SPAG16: variants seen among roughly 807,000 people sequenced by gnomAD.
SPAG16 encodes sperm associated antigen 16, also known as sperm-associated antigen 16 protein.
SPAG16 carries 86 observed loss-of-function variants against 80.4 expected under a neutral mutation model. That is an observed-to-expected ratio of 1.07 (90% CI 0.90 to 1.28). SPAG16 has a LOEUF of 1.28. Ranked by LOEUF, SPAG16 falls within the 50% of genes most tolerant of loss-of-function variation. The pLI is 0.00. For missense variants in SPAG16, 870 were observed against 765.3 expected (o/e 1.14, Z -1.61); for synonymous variants, 294 against 265.9 (o/e 1.11, Z -1.03).
At chr2:214,079,828 G>A (rs563192252) in intron 13 of SPAG16, among the ~76,000 whole-genome samples, 1 of 152,250 alleles carries the variant, frequency 6.6e-6, no homozygotes, top group East Asian at 1.9e-4. Flanking sequence ...CCAGGTTTTT[G>A]TCCTTGTTTA....
intron 15 of SPAG16, among the ~76,000 whole-genome samples, chr2:214,351,379 T>G (rs965772915): frequency 6.6e-6 from 1 of 151,344 alleles, no homozygotes; most frequent in Non-Finnish European, 1.5e-5. Context: ...GATAGGATTG[T>G]CTGTGTGTCT....
At position 213,556,036 on chromosome 2, in the gene SPAG16, T is replaced by C. The variant is rs148011211; in HGVS notation, c.1070+65946T>C. 7.9e-4 allele frequency among the ~76,000 whole-genome samples: 120 copies of C among 152,196 alleles called. 2 individuals carry two copies. Among genetic ancestry groups the C allele is most frequent in the Middle Eastern group, 3.4e-3 (1 of 294 alleles). ...GGCCTGTAATAACTGTAAACTGTTT[T>C]ATGTAAGAATTTTGGTAAGCAAAAT... On this transcript the variant is annotated intron_variant, in intron 10 of 15. Coordinates refer to ENST00000331683, the MANE Select transcript of SPAG16 (RefSeq NM_024532.5).
intron 12 of SPAG16, among the ~76,000 whole-genome samples, chr2:214,007,889 T>C (rs2047098191): frequency 1.3e-5 from 2 of 152,152 alleles, no homozygotes; most frequent in South Asian, 4.1e-4. Flanking sequence ...ATGAAAAATA[T>C]CAATGTTGAT....
At chr2:213,703,445 G>C (rs577891711) in intron 10 of SPAG16, among the ~76,000 whole-genome samples, 1 of 152,284 alleles carries the variant, frequency 6.6e-6, no homozygotes, top group South Asian at 2.1e-4. Context: ...TCAGAAAACT[G>C]TGAAACAAAC....
intron 13 of SPAG16, among the ~76,000 whole-genome samples, chr2:214,031,001 T>C (rs2048377422): frequency 6.6e-6 from 1 of 152,214 alleles, no homozygotes; most frequent in African/African-American, 2.4e-5. Flanking sequence ...TTTGTATTAG[T>C]TTGTTCTCAC....
intron 10 of SPAG16, among the ~76,000 whole-genome samples, chr2:213,818,541 G>C (rs1035733653): frequency 6.6e-6 from 1 of 152,120 alleles, no homozygotes; most frequent in African/African-American, 2.4e-5. Flanking sequence ...AATAAACTTT[G>C]TATGCCCTTT....
intron 15 of SPAG16, among the ~76,000 whole-genome samples, chr2:214,392,695 A>G (rs1318461663): frequency 2.6e-5 from 2 of 75,514 alleles, no homozygotes; most frequent in East Asian, 4.8e-4. Context: ...CCAACCTACA[A>G]AGGAAAAAAA....
chr2:213,787,134 A>G (rs962077637), intron 10 of SPAG16, among the ~76,000 whole-genome samples: 9 of 152,142 alleles, frequency 5.9e-5, no homozygotes, highest in Admixed American at 3.9e-4. Context: ...TACTGAGGTG[A>G]TGGGTTGATA....
chr2:213,577,322 C>T (rs912839320), intron 10 of SPAG16, among the ~76,000 whole-genome samples: 1 of 152,038 alleles, frequency 6.6e-6, no homozygotes, highest in African/African-American at 2.4e-5. Context: ...ATCATCTTAC[C>T]CTTGAGTTCA....
chr2:213,903,872 C>T (rs2077324772), intron 11 of SPAG16, among the ~76,000 whole-genome samples: 2 of 152,316 alleles, frequency 1.3e-5, no homozygotes, highest in South Asian at 4.1e-4. Flanking sequence ...TAAATCATCT[C>T]TCTCAAGTTC....
Position 213,591,244 on chromosome 2 carries a change from T to C in SPAG16, c.1070+101154T>C, listed in dbSNP as rs1282123038. Among the ~76,000 whole-genome samples, 3 of 152,208 alleles carry C rather than the reference T, an allele frequency of 2.0e-5. No individual in the cohort carries two copies. In the South Asian group the frequency reaches 6.2e-4, roughly 31 times the overall value. On this transcript the variant is annotated intron_variant, in intron 10 of 15. Coordinates refer to ENST00000331683, the MANE Select transcript of SPAG16 (RefSeq NM_024532.5). Reference sequence around the variant, plus strand: ...TTAAAGTAATTCAATTTCCTGTATATGTCAAGGGAAGATCACCTAATTCTG... The same window carrying C: ...TTAAAGTAATTCAATTTCCTGTATACGTCAAGGGAAGATCACCTAATTCTG...
intron 15 of SPAG16, among the ~76,000 whole-genome samples, chr2:214,151,021 C>T (rs144927561): frequency 1.6e-4 from 25 of 152,048 alleles, no homozygotes; most frequent in South Asian, 2.1e-4. Context: ...CACGTATGAA[C>T]GAGGGACTCT....
intron 15 of SPAG16, among the ~76,000 whole-genome samples, chr2:214,321,818 C>T (rs1696119071): frequency 6.6e-6 from 1 of 152,052 alleles, no homozygotes; most frequent in South Asian, 2.1e-4. Flanking sequence ...AAATTCAAAA[C>T]AGTTTCAAAG....
At position 213,620,281 on chromosome 2, in the gene SPAG16, G is replaced by GTTTTTT. The variant is rs36059669; in HGVS notation, c.1070+130215_1070+130220dup. ...AATGTAGTTAACAATAATTTATTGA[G>GTTTTTT]TTTTTTTTTTTTTTTTTTTTTTTTT... On this transcript the variant is annotated intron_variant, in intron 10 of 15. Coordinates refer to ENST00000331683, the MANE Select transcript of SPAG16 (RefSeq NM_024532.5). 1.5e-3 allele frequency among the ~76,000 whole-genome samples: 121 copies of GTTTTTT among 82,830 alleles called. 16 individuals carry two copies. Among genetic ancestry groups the GTTTTTT allele is most frequent in the African/African-American group, 5.6e-3 (106 of 18,976 alleles). 54.3% of individuals were successfully genotyped at this position (82,830 alleles called of 152,430 possible).
chr2:213,930,023 C>G lies in SPAG16; in HGVS notation c.1278C>G (p.Gly426=), dbSNP rs1442895165. ...TTVKLWDLCK[G]DCILTFEGHS... Reference sequence around the variant, plus strand: ...TTAAATTATGGGATCTATGTAAAGGCGATTGCATTTTGACCTTTGAAGGAC... The same window carrying G: ...TTAAATTATGGGATCTATGTAAAGGGGATTGCATTTTGACCTTTGAAGGAC... The change falls in exon 12 of 16, where the codon GGC becomes GGG. Residue 426 remains glycine, a synonymous_variant. Transcript: ENST00000331683. 1.2e-6 allele frequency: 2 copies of G among 1,614,036 alleles called. No homozygotes were observed. The highest frequency in any genetic ancestry group is 1.7e-6 in the Non-Finnish European group (2 of 1,179,926).
intron 10 of SPAG16, among the ~76,000 whole-genome samples, chr2:213,801,293 AT>A (rs2071383049): frequency 6.6e-6 from 1 of 152,212 alleles, no homozygotes; most frequent in Non-Finnish European, 1.5e-5. Context: ...CTAATTTATG[AT>A]TCTACTAATC....
At chr2:213,832,073 T>A (rs2073694413) in intron 10 of SPAG16, among the ~76,000 whole-genome samples, 1 of 152,108 alleles carries the variant, frequency 6.6e-6, no homozygotes, top group African/African-American at 2.4e-5. Flanking sequence ...CTTGGCTCAC[T>A]GCAACCTCCT....
chr2:213,876,195 C>T (rs1355495953), intron 11 of SPAG16, among the ~76,000 whole-genome samples: 1 of 151,444 alleles, frequency 6.6e-6, no homozygotes, highest in Non-Finnish European at 1.5e-5. Flanking sequence ...AATGACAAAA[C>T]CTGCATTTGA....
rs72944099 is a variant in SPAG16 at position 214,268,324 on chromosome 2, A to T, written c.1720+119058A>T. On this transcript the variant is annotated intron_variant, in intron 15 of 15. Transcript: ENST00000331683. ...ATATATATCCAAAGGAACTGAAATC[A>T]GTATGTTGAAGAGTTGTCTGCACTC... Among the ~76,000 whole-genome samples, 538 of 152,040 alleles carry T rather than the reference A, an allele frequency of 3.5e-3. 3 individuals are homozygous for T. Among genetic ancestry groups the T allele is most frequent in the Non-Finnish European group, 6.1e-3 (413 of 67,806 alleles).
Sources: gnomAD v4.1 joint callset for allele counts (sites outside exome capture counted in the v4.1 genomes callset) on GRCh38, gnomAD v4.1.1 for gene constraint, MANE v1.5 for transcripts, NCBI Gene and HGNC (gene_info 2026-07-23, HGNC 2026-07-21) for gene names.